ETS1: variants seen among roughly 807,000 people sequenced by gnomAD.
ETS1 encodes the protein protein C-ets-1.
Under a neutral mutation model 58.6 loss-of-function variants are expected in ETS1, and 15 were observed. The ratio of observed to expected loss-of-function variants is 0.26; its 90% CI spans 0.17 to 0.39. The LOEUF (loss-of-function observed/expected upper bound fraction) is 0.39, where lower values mean the gene tolerates loss of function less well. ETS1 is among the 10% of genes least tolerant of loss of function. The pLI, the probability that ETS1 is intolerant of heterozygous loss-of-function variation, is 1.00. For missense variants in ETS1, 417 were observed against 610.5 expected, an observed-to-expected ratio of 0.68 and a Z score of 3.34; for synonymous variants, 214 against 218.2, an observed-to-expected ratio of 0.98 and a Z score of 0.17.
rs1429057854 is a variant in ETS1, at chr11:128,549,026, A to T, written c.214+7265T>A. 7.4e-6 allele frequency among the ~76,000 whole-genome samples: 1 copy of T among 135,340 alleles called. No homozygotes were observed. Among genetic ancestry groups the T allele is most frequent in the Non-Finnish European group, 1.6e-5 (1 of 62,996 alleles). 88.8% of individuals were successfully genotyped at this position (135,340 alleles called of 152,430 possible). A position where few individuals can be genotyped will look rare whatever the true frequency, so the allele number is the denominator to read the frequency against. On this transcript the variant is annotated intron_variant, in intron 3 of 9. Coordinates refer to ENST00000392668, the MANE Select transcript of ETS1 (RefSeq NM_001143820.2). The surrounding 1 kb of genome is among the most constrained non-coding windows in gnomAD (Gnocchi z 4.3). The stretch of plus-strand genomic sequence containing the variant: ...GGAGGAAGGCGGGGTGGGGTTAGGG[A>T]CCGGGAGGCTGGGGGAGGGGAGCGG...
rs997696107 is a variant in ETS1, at chr11:128,459,908, T to C, written c.*2453A>G. ...AGGAGAGTTTCCGGCATAAATTTAA[T>C]AGGAACGGTGGATGATTTGAGAAAG... On this transcript the variant is annotated 3_prime_UTR_variant, in exon 10 of 10. Transcript: ENST00000392668. 1.3e-5 allele frequency: 2 copies of C among 152,294 alleles called. No individual in the cohort carries two copies. Among genetic ancestry groups the C allele is most frequent in the Admixed American group, 1.3e-4 (2 of 15,278 alleles). 9.4% of individuals were successfully genotyped at this position (152,294 alleles called of 1,614,324 possible).
chr11:128,569,764 G>C (rs1230746235), intron 2 of ETS1, among the ~76,000 whole-genome samples: 1 of 152,170 alleles, frequency 6.6e-6, no homozygotes, highest in Non-Finnish European at 1.5e-5. Context: ...TTCTTTGCTT[G>C]CTCTGGAAGG....
intron 8 of ETS1, among the ~76,000 whole-genome samples, chr11:128,475,742 G>A (rs567300959): frequency 1.6e-4 from 24 of 152,068 alleles, no homozygotes; most frequent in African/African-American, 4.8e-4. Flanking sequence ...TAGTAGAGAC[G>A]GGGTTTCACT....
At position 128,464,637 on chromosome 11, in the gene ETS1, A is replaced by G. The variant is rs554201022; in HGVS notation, c.1124-1010T>C. 6.6e-6 allele frequency among the ~76,000 whole-genome samples: 1 copy of G among 152,208 alleles called. No individual in the cohort carries two copies. Among genetic ancestry groups the G allele is most frequent in the Non-Finnish European group, 1.5e-5 (1 of 68,036 alleles). On this transcript the variant is annotated intron_variant, in intron 8 of 9. Transcript: ENST00000392668. This position sits in a 1 kb window ranked among gnomAD's most constrained non-coding sequence, Gnocchi z 4.1. Reference sequence around the variant, plus strand: ...AGCGGGACTGGGAAAGACCCAGTCCATGTCTCTGGATACAGCCCAGGAAGC... The same window carrying G: ...AGCGGGACTGGGAAAGACCCAGTCCGTGTCTCTGGATACAGCCCAGGAAGC...
In ETS1 at chr11:128,464,187, C is replaced by T. The variant is rs1861973135; in HGVS notation, c.1124-560G>A. ...ATCTGTTCAGTCATAATATTTCTCT[C>T]CACTGCCACCACCCTGCCCTTCCAG... is the stretch of plus-strand genomic sequence containing the variant. On this transcript the variant is annotated intron_variant, in intron 8 of 9. Coordinates refer to ENST00000392668, the MANE Select transcript of ETS1 (RefSeq NM_001143820.2). The surrounding 1 kb of genome is among the most constrained non-coding windows in gnomAD (Gnocchi z 4.1). Among the ~76,000 whole-genome samples the T allele has an allele frequency of 6.6e-6, 1 of 151,678 alleles. No individual in the cohort carries two copies. The highest frequency in any genetic ancestry group is 2.1e-4 in the South Asian group (1 of 4,780).
At chr11:128,490,714 A>AT (rs35432800) in intron 3 of ETS1, 138 bp from the exon 4 acceptor site, 78,188 of 327,464 alleles carry the variant, frequency 0.24, 5,685 homozygotes, top group Middle Eastern at 0.28. Flanking sequence ...AGAGCAGGCA[A>AT]TTTTTTTTTT....
At chr11:128,548,223 G>A (rs1388139335) in intron 3 of ETS1, among the ~76,000 whole-genome samples, 2 of 149,384 alleles carry the variant, frequency 1.3e-5, no homozygotes, top group Non-Finnish European at 3.0e-5. Flanking sequence ...AGGAGGGAGG[G>A]GAACCCCGGG....
At position 128,515,280 on chromosome 11, in the gene ETS1, G is replaced by A. The variant is rs556959116; in HGVS notation, c.215-24704C>T. Among the ~76,000 whole-genome samples the A allele has an allele frequency of 1.7e-3, 254 of 151,522 alleles. 2 individuals carry two copies. The highest frequency in any genetic ancestry group is 5.1e-3 in the African/African-American group (211 of 41,138). On this transcript the variant is annotated intron_variant, in intron 3 of 9. Transcript: ENST00000392668. ...CACACACACACACACACACGCGCGCGTGCACACTACATGCAGAGTTTACAG... is the reference window on the plus strand; with the variant it reads ...CACACACACACACACACACGCGCGCATGCACACTACATGCAGAGTTTACAG...
rs568248571 is a variant in ETS1, at chr11:128,574,233, G to T, written c.-14-1089C>A. Among the ~76,000 whole-genome samples, 135 of 152,290 alleles carry T rather than the reference G, an allele frequency of 8.9e-4. 3 individuals are homozygous for T. Among genetic ancestry groups the T allele is most frequent in the Non-Finnish European group, 1.8e-3 (122 of 68,020 alleles). Reference sequence around the variant, plus strand: ...AAAGCTACTAATATCATATGGTTAAGGGATGTAAGCTACAAACCTCCTGAA... The same window carrying T: ...AAAGCTACTAATATCATATGGTTAATGGATGTAAGCTACAAACCTCCTGAA... On this transcript the variant is annotated intron_variant, in intron 1 of 9. Transcript: ENST00000392668.
chr11:128,488,850 C>T (rs995261862), intron 5 of ETS1, among the ~76,000 whole-genome samples: 1 of 152,164 alleles, frequency 6.6e-6, no homozygotes, highest in Non-Finnish European at 1.5e-5. Flanking sequence ...TTAATACGGT[C>T]TCAGACGCTA....
chr11:128,474,956 G>A (rs1191145039), intron 8 of ETS1, among the ~76,000 whole-genome samples: 1 of 152,264 alleles, frequency 6.6e-6, no homozygotes, highest in Non-Finnish European at 1.5e-5. Context: ...TGCCTGGCCT[G>A]CAGACCTCAG....
At position 128,481,235 on chromosome 11, in the gene ETS1, T is replaced by G. The variant is rs957649085; in HGVS notation, c.863-784A>C. Among the ~76,000 whole-genome samples the G allele has an allele frequency of 2.0e-5, 3 of 152,216 alleles. No individual in the cohort carries two copies. The East Asian group carries it at 5.8e-4, about 29-fold the overall frequency. On this transcript the variant is annotated intron_variant, in intron 7 of 9. Transcript: ENST00000392668. Reference sequence around the variant, plus strand: ...TGTAGGCAATATTTAAAAGGTTTATTAAAGAGTTAAGGTCCACAGCAGTGT... The same window carrying G: ...TGTAGGCAATATTTAAAAGGTTTATGAAAGAGTTAAGGTCCACAGCAGTGT...
chr11:128,568,299 C>A lies in ETS1; in HGVS notation c.69+4763G>T, dbSNP rs11825022. Among the ~76,000 whole-genome samples the A allele has an allele frequency of 3.5e-3, 535 of 152,264 alleles. 4 individuals carry two copies. Among genetic ancestry groups the A allele is most frequent in the African/African-American group, 0.012 (506 of 41,552 alleles). On this transcript the variant is annotated intron_variant, in intron 2 of 9. Coordinates refer to ENST00000392668, the MANE Select transcript of ETS1 (RefSeq NM_001143820.2). The stretch of plus-strand genomic sequence containing the variant: ...ATGTTTAGTCAAAACTGAGAGCAGC[C>A]CAGCCCGCTCATTCCCGCCACTCTC...
At chr11:128,551,371 A>G (rs185574428) in intron 3 of ETS1, among the ~76,000 whole-genome samples, 123 of 152,346 alleles carry the variant, frequency 8.1e-4, no homozygotes, top group African/African-American at 2.8e-3. Context: ...CCCAGCCGCT[A>G]GGCCATATGA....
intron 3 of ETS1, chr11:128,504,936 T>C (rs1207126295): frequency 1.3e-5 from 2 of 152,232 alleles, no homozygotes; most frequent in African/African-American, 2.4e-5. Context: ...GGAATACCAA[T>C]GGTCAGACTC....
chr11:128,544,438 A>G (rs1343234565), intron 3 of ETS1, among the ~76,000 whole-genome samples: 2 of 149,850 alleles, frequency 1.3e-5, no homozygotes, highest in African/African-American at 4.9e-5. Flanking sequence ...AAATGTAGGG[A>G]AATGTGGATA....
intron 3 of ETS1, among the ~76,000 whole-genome samples, chr11:128,553,829 G>T (rs1864271444): frequency 6.6e-6 from 1 of 152,064 alleles, no homozygotes; most frequent in African/African-American, 2.4e-5. Context: ...TGGAAAAGAA[G>T]TTCATTCATC....
rs143608769 is a variant in ETS1, at chr11:128,551,483, T to C, written c.214+4808A>G. ...GACATTCTTTAGTTCCACCATTTTGTTAGTAAATTTGTTTTAGAGATTTTA... is the reference window on the plus strand; with the variant it reads ...GACATTCTTTAGTTCCACCATTTTGCTAGTAAATTTGTTTTAGAGATTTTA... On this transcript the variant is annotated intron_variant, in intron 3 of 9. Transcript: ENST00000392668. 4.6e-3 allele frequency among the ~76,000 whole-genome samples: 707 copies of C among 152,358 alleles called. 2 individuals carry two copies. Among genetic ancestry groups the C allele is most frequent in the African/African-American group, 0.016 (669 of 41,580 alleles).
chr11:128,585,173 AGAAAGAAAGAAAGAAGGAAG>A (rs1442448576), intron 1 of ETS1, among the ~76,000 whole-genome samples: 8 of 49,046 alleles, frequency 1.6e-4, no homozygotes, highest in South Asian at 1.6e-3. Context: ...AGAAAGAGAA[AGAAAGAAAGAAAGAAGGAAG>A]GAAAGAAAGA....
Sources: gnomAD v4.1 joint callset for allele counts (sites outside exome capture counted in the v4.1 genomes callset) on GRCh38, gnomAD v4.1.1 for gene constraint, Gnocchi (gnomAD v3.1) non-coding constraint, MANE v1.5 for transcripts, NCBI Gene and HGNC (gene_info 2026-07-23, HGNC 2026-07-21) for gene names.